Variants in LRP1B observed in about 807,000 individuals in gnomAD.
LRP1B encodes the protein low-density lipoprotein receptor-related protein 1B.
Under a neutral mutation model 556.6 loss-of-function variants are expected in LRP1B, and 217 were observed. That is an observed-to-expected ratio of 0.39 (90% confidence interval 0.35 to 0.44). The LOEUF is 0.44. Among genes scored for constraint, LRP1B ranks in the 20% least tolerant of loss-of-function variants. LRP1B has a pLI of 1.00. For synonymous variants in LRP1B, 2,047 were observed against 1,865.8 expected, an observed-to-expected ratio of 1.10 and a Z score of -2.50; for missense variants, 5,053 against 5,620.8, an observed-to-expected ratio of 0.90 and a Z score of 3.23.
In LRP1B at chr2:140,579,363, C is replaced by T. The variant is rs186299419; in HGVS notation, c.7194+19268G>A. Among the ~76,000 whole-genome samples, 43 of 144,828 alleles carry T rather than the reference C, an allele frequency of 3.0e-4. No homozygotes were observed. The East Asian group carries it at 8.5e-3, about 28-fold the overall frequency. ...GATCTGAAAGGATAATACAACTTGT[C>T]TCCCCCATCAGGACCAAATGATAGC... On this transcript the variant is annotated intron_variant, in intron 43 of 90. Transcript: ENST00000389484.
At chr2:140,898,056 C>T (rs918453544) in intron 23 of LRP1B, among the ~76,000 whole-genome samples, 3 of 152,114 alleles carry the variant, frequency 2.0e-5, no homozygotes, top group African/African-American at 7.2e-5. Context: ...GATGCTCATT[C>T]CAGAAAGGGT....
intron 10 of LRP1B, among the ~76,000 whole-genome samples, chr2:141,051,112 A>C (rs1699022657): frequency 6.6e-6 from 1 of 152,144 alleles, no homozygotes; most frequent in Non-Finnish European, 1.5e-5. Flanking sequence ...GCAATTATTA[A>C]AAAGTCAGGA....
At chr2:141,692,158 C>A (rs1377707650) in intron 2 of LRP1B, among the ~76,000 whole-genome samples, 1 of 151,970 alleles carries the variant, frequency 6.6e-6, no homozygotes, top group Non-Finnish European at 1.5e-5. Flanking sequence ...GATTTTTCTA[C>A]AGAGTAACTA....
chr2:141,353,940 G>A (rs1279142641), intron 3 of LRP1B, among the ~76,000 whole-genome samples: 32 of 152,004 alleles, frequency 2.1e-4, no homozygotes, highest in Non-Finnish European at 4.4e-5. Context: ...TCTTCTTCAT[G>A]CTATGTCATA....
intron 35 of LRP1B, among the ~76,000 whole-genome samples, chr2:140,748,352 A>T (rs1342298374): frequency 1.2e-5 from 1 of 84,640 alleles, no homozygotes; most frequent in African/African-American, 4.7e-5. Flanking sequence ...TTATATTCAT[A>T]TATAATATAT....
chr2:140,450,454 T>C lies in LRP1B; in HGVS notation c.10057+114A>G, dbSNP rs1450652353. 3 of 787,548 alleles carry C rather than the reference T, an allele frequency of 3.8e-6. No individual in the cohort carries two copies. In the East Asian group the frequency reaches 7.7e-5, roughly 20 times the overall value. The allele number at this position is 787,548 out of a possible 1,614,324, so 48.8% of individuals were successfully genotyped here. A position where few individuals can be genotyped will look rare whatever the true frequency, so the allele number is the denominator to read the frequency against. On this transcript the variant is annotated intron_variant, in intron 63 of 90. Transcript: ENST00000389484. ...AAGAATGGCATTTAAAATTTTTCTA[T>C]TTCAATTTTGGAAAAGTGTCAGAAG... is the stretch of plus-strand genomic sequence containing the variant.
intron 7 of LRP1B, among the ~76,000 whole-genome samples, chr2:141,115,387 G>A (rs571879847): frequency 6.6e-6 from 1 of 151,658 alleles, no homozygotes; most frequent in South Asian, 2.1e-4. Flanking sequence ...GAGGTTGCAG[G>A]CTCATCCCAT....
intron 66 of LRP1B, among the ~76,000 whole-genome samples, chr2:140,437,665 G>A (rs1423475882): frequency 6.6e-6 from 1 of 152,134 alleles, no homozygotes; most frequent in Admixed American, 6.6e-5. Flanking sequence ...ATTTCTAAAT[G>A]TTATTCTAAA....
intron 41 of LRP1B, among the ~76,000 whole-genome samples, chr2:140,657,361 ACT>A (rs950465284): frequency 2.6e-5 from 4 of 151,856 alleles, no homozygotes; most frequent in African/African-American, 9.7e-5. Context: ...CCAGAAACTC[ACT>A]GATTTTCTCA....
chr2:141,604,716 C>T (rs1687855100), intron 2 of LRP1B, among the ~76,000 whole-genome samples: 1 of 152,056 alleles, frequency 6.6e-6, no homozygotes, highest in Non-Finnish European at 1.5e-5. Context: ...CTATTCTGAG[C>T]CCACAAAAGC....
At chr2:140,701,539 T>G (rs1686641342) in intron 40 of LRP1B, among the ~76,000 whole-genome samples, 182 bp downstream of exon 40, 1 of 152,102 alleles carries the variant, frequency 6.6e-6, no homozygotes, top group Non-Finnish European at 1.5e-5. Context: ...TACGCTTTTG[T>G]ATGAAATATG....
chr2:142,063,086 A>T (rs891845348), intron 1 of LRP1B, among the ~76,000 whole-genome samples: 1 of 151,272 alleles, frequency 6.6e-6, no homozygotes, highest in African/African-American at 2.4e-5. Context: ...GTTTAAAAAC[A>T]CTAACAGTAC....
At chr2:142,000,416 T>C (rs531176769) in intron 1 of LRP1B, among the ~76,000 whole-genome samples, 29 of 152,310 alleles carry the variant, frequency 1.9e-4, no homozygotes, top group African/African-American at 6.7e-4. Flanking sequence ...ATAATTACAA[T>C]CATTTCTTAC....
At chr2:140,250,925 A>C (rs771924331) in intron 86 of LRP1B, among the ~76,000 whole-genome samples, 5 of 151,660 alleles carry the variant, frequency 3.3e-5, no homozygotes, top group Non-Finnish European at 7.4e-5. Flanking sequence ...ATGATCGCTC[A>C]AAAGATAAAA....
At chr2:141,664,114 G>A (rs763429184) in intron 2 of LRP1B, among the ~76,000 whole-genome samples, 11 of 152,058 alleles carry the variant, frequency 7.2e-5, no homozygotes, top group Admixed American at 2.0e-4. Flanking sequence ...AATTCATCAC[G>A]TAAACAGAAC....
In LRP1B at chr2:140,316,113, G is replaced by T. The variant is rs1345644410; in HGVS notation, c.12641-1014C>A. 3.9e-5 allele frequency among the ~76,000 whole-genome samples: 6 copies of T among 152,246 alleles called. No homozygotes were observed. The South Asian group carries it at 1.2e-3, about 32-fold the overall frequency. ...ATCATTTTCTAGGTTATTTTGCTGT[G>T]CATATTGGCATGGCCTTCTCCGTTA... On this transcript the variant is annotated intron_variant, in intron 82 of 90. Coordinates refer to ENST00000389484, the MANE Select transcript of LRP1B (RefSeq NM_018557.3).
At chr2:141,948,737 T>G (rs1394228481) in intron 1 of LRP1B, among the ~76,000 whole-genome samples, 1 of 152,074 alleles carries the variant, frequency 6.6e-6, no homozygotes, top group Non-Finnish European at 1.5e-5. Context: ...AAAATAAATA[T>G]GGTTGTCAAG....
chr2:140,970,439 G>A (rs552377115), intron 18 of LRP1B, among the ~76,000 whole-genome samples: 3 of 151,986 alleles, frequency 2.0e-5, no homozygotes, highest in Non-Finnish European at 4.4e-5. Flanking sequence ...CTTTTTTCAA[G>A]GTTTTTAGCT....
intron 1 of LRP1B, among the ~76,000 whole-genome samples, chr2:142,078,724 T>C (rs1419991783): frequency 6.6e-6 from 1 of 152,182 alleles, no homozygotes; most frequent in Non-Finnish European, 1.5e-5. Flanking sequence ...TCTAGAAGTT[T>C]CTTTAGGAAT....
Sources: gnomAD v4.1 joint callset for allele counts (sites outside exome capture counted in the v4.1 genomes callset) on GRCh38, gnomAD v4.1.1 for gene constraint, MANE v1.5 for transcripts, NCBI Gene and HGNC (gene_info 2026-07-23, HGNC 2026-07-21) for gene names.